TMEM135: variants seen among roughly 807,000 people sequenced by gnomAD.
TMEM135 encodes the protein peroxisomal membrane protein 52.
A neutral mutation model predicts 60.3 loss-of-function variants in TMEM135; 30 were observed. That is an observed-to-expected ratio of 0.50 (90% CI 0.37 to 0.68). The LOEUF (loss-of-function observed/expected upper bound fraction) is 0.68, where lower values mean the gene tolerates loss of function less well. Among genes scored for constraint, TMEM135 ranks in the 30% least tolerant of loss-of-function variants. TMEM135 has a pLI of 0.00. For synonymous variants in TMEM135, 190 were observed against 186.7 expected (o/e 1.02, Z -0.14); for missense variants, 468 against 548.8 (o/e 0.85, Z 1.47).
At chr11:87,260,487 C>A (rs7935859) in intron 6 of TMEM135, among the ~76,000 whole-genome samples, 1 of 151,934 alleles carries the variant, frequency 6.6e-6, no homozygotes, top group Non-Finnish European at 1.5e-5. Flanking sequence ...GCTAAGAAGT[C>A]TATAATCATT....
intron 5 of TMEM135, among the ~76,000 whole-genome samples, chr11:87,176,007 C>T (rs1026035968): frequency 2.0e-5 from 3 of 152,070 alleles, no homozygotes; most frequent in African/African-American, 7.2e-5. Context: ...GTAATTTTTA[C>T]CATTTTGTTT....
At chr11:87,123,323 A>C (rs1937634341) in intron 4 of TMEM135, among the ~76,000 whole-genome samples, 1 of 152,150 alleles carries the variant, frequency 6.6e-6, no homozygotes, top group Admixed American at 6.5e-5. Flanking sequence ...CTTCTGGTAG[A>C]TCCTGGGAAT....
chr11:87,290,497 T>C (rs1468033721), intron 6 of TMEM135, among the ~76,000 whole-genome samples: 1 of 152,192 alleles, frequency 6.6e-6, no homozygotes, highest in Non-Finnish European at 1.5e-5. Flanking sequence ...TAGCGACATC[T>C]GCTGGTACAA....
chr11:87,275,177 T>C (rs919882504), intron 6 of TMEM135, among the ~76,000 whole-genome samples: 1 of 152,148 alleles, frequency 6.6e-6, no homozygotes, highest in Non-Finnish European at 1.5e-5. Context: ...AAAATGTTAT[T>C]TTCTTCTCTT....
chr11:87,180,522 G>T (rs1385543776), intron 5 of TMEM135, among the ~76,000 whole-genome samples: 1 of 152,066 alleles, frequency 6.6e-6, no homozygotes, highest in Non-Finnish European at 1.5e-5. Context: ...AGAAAAAGAT[G>T]ACCTAAATCT....
chr11:87,098,789 T>C (rs1857388239), intron 4 of TMEM135, among the ~76,000 whole-genome samples: 1 of 151,942 alleles, frequency 6.6e-6, no homozygotes. Context: ...CCTGGGTTCA[T>C]GCCATTCTCC....
At chr11:87,121,860 G>A (rs868628511) in intron 4 of TMEM135, among the ~76,000 whole-genome samples, 1 of 151,936 alleles carries the variant, frequency 6.6e-6, no homozygotes, top group Non-Finnish European at 1.5e-5. Context: ...GGGTGGTCTC[G>A]AACTCCTGAC....
chr11:87,085,889 T>C (rs1857085704), intron 3 of TMEM135, among the ~76,000 whole-genome samples: 1 of 152,196 alleles, frequency 6.6e-6, no homozygotes, highest in Non-Finnish European at 1.5e-5. Context: ...TTTGTTACTT[T>C]TACCTTTTTA....
At chr11:87,271,842 G>A (rs1281778342) in intron 6 of TMEM135, among the ~76,000 whole-genome samples, 6 of 151,906 alleles carry the variant, frequency 3.9e-5, no homozygotes, top group African/African-American at 1.2e-4. Context: ...AGGCTGAGGT[G>A]GGAAAATCAC....
chr11:87,221,435 G>A (rs1204801731), intron 5 of TMEM135, among the ~76,000 whole-genome samples: 3 of 152,148 alleles, frequency 2.0e-5, no homozygotes, highest in East Asian at 3.8e-4. Flanking sequence ...TGACACCATC[G>A]TTGTTAGAGT....
At chr11:87,256,026 A>G (rs1004330007) in intron 6 of TMEM135, among the ~76,000 whole-genome samples, 1 of 152,208 alleles carries the variant, frequency 6.6e-6, no homozygotes, top group African/African-American at 2.4e-5. Context: ...TCAGGGATCT[A>G]TTAAAAACAT....
At chr11:87,247,623 G>A (rs995027246) in intron 6 of TMEM135, among the ~76,000 whole-genome samples, 1 of 152,194 alleles carries the variant, frequency 6.6e-6, no homozygotes, top group Non-Finnish European at 1.5e-5. Flanking sequence ...TGTGCTAGCA[G>A]TCAGTCAGAC....
chr11:87,288,690 G>A (rs1591171586), intron 6 of TMEM135, among the ~76,000 whole-genome samples: 1 of 152,064 alleles, frequency 6.6e-6, no homozygotes, highest in East Asian at 1.9e-4. Flanking sequence ...CAAGGATATT[G>A]AGCCCTAAAG....
chr11:87,169,637 C>T (rs1003999625), intron 5 of TMEM135, among the ~76,000 whole-genome samples: 2 of 152,126 alleles, frequency 1.3e-5, no homozygotes, highest in African/African-American at 2.4e-5. Flanking sequence ...CCCTCACTCT[C>T]TTCTTGCTTG....
intron 1 of TMEM135, among the ~76,000 whole-genome samples, chr11:87,062,351 A>G (rs1031446885): frequency 6.5e-5 from 7 of 106,942 alleles, no homozygotes; most frequent in African/African-American, 2.2e-4. Context: ...ATTTAGGTAC[A>G]TGATTTATTT....
intron 1 of TMEM135, among the ~76,000 whole-genome samples, chr11:87,054,427 T>C (rs1188028033): frequency 6.6e-6 from 1 of 152,042 alleles, no homozygotes; most frequent in East Asian, 1.9e-4. Flanking sequence ...AGTGAGACTC[T>C]GTCTCAAAAA....
At chr11:87,199,604 G>T (rs1160266532) in intron 5 of TMEM135, among the ~76,000 whole-genome samples, 1 of 152,122 alleles carries the variant, frequency 6.6e-6, no homozygotes, top group Non-Finnish European at 1.5e-5. Context: ...AACTAGAGTA[G>T]GTCTGAGTAA....
chr11:87,294,048 G>T (rs775822495), intron 6 of TMEM135, among the ~76,000 whole-genome samples: 1 of 152,040 alleles, frequency 6.6e-6, no homozygotes, highest in South Asian at 2.1e-4. Context: ...TTTAATAATC[G>T]CCATTCTTAC....
chr11:87,180,872 A>G (rs1048284987), intron 5 of TMEM135, among the ~76,000 whole-genome samples: 1 of 152,216 alleles, frequency 6.6e-6, no homozygotes, highest in Non-Finnish European at 1.5e-5. Context: ...TCAAAATGCA[A>G]TATTCAAAGT....
Sources: gnomAD v4.1 joint callset for allele counts (sites outside exome capture counted in the v4.1 genomes callset) on GRCh38, gnomAD v4.1.1 for gene constraint, MANE v1.5 for transcripts, NCBI Gene and HGNC (gene_info 2026-07-23, HGNC 2026-07-21) for gene names.